CDH13: variants seen among roughly 807,000 people sequenced by gnomAD.
CDH13 encodes the protein cadherin-13.
In CDH13, 24 loss-of-function variants were observed where a neutral mutation model predicts 63.8. That is an observed-to-expected ratio of 0.38 (90% CI 0.27 to 0.53). The LOEUF is 0.53. Ranked by LOEUF, CDH13 falls within the 20% of genes least tolerant of loss-of-function variation. The probability of loss-of-function intolerance (pLI) is 0.85; values close to 1 mark genes in which losing one functional copy is unlikely to be tolerated. For synonymous variants in CDH13, 503 were observed against 355.3 expected, an observed-to-expected ratio of 1.42 and a Z score of -4.67; for missense variants, 1,049 against 903.1, an observed-to-expected ratio of 1.16 and a Z score of -2.07.
intron 1 of CDH13, among the ~76,000 whole-genome samples, chr16:82,760,425 A>G (rs1168101340): frequency 6.6e-6 from 1 of 152,164 alleles, no homozygotes; most frequent in East Asian, 1.9e-4. Flanking sequence ...TGTTTATCTT[A>G]TGATTTTATG....
chr16:83,093,519 C>T (rs894251929), intron 3 of CDH13, among the ~76,000 whole-genome samples: 2 of 151,724 alleles, frequency 1.3e-5, no homozygotes, highest in Middle Eastern at 3.2e-3. Context: ...GGGATTTCAC[C>T]GTGTTGGCCA....
intron 5 of CDH13, among the ~76,000 whole-genome samples, chr16:83,250,865 T>G (rs1905445059): frequency 6.6e-6 from 1 of 152,230 alleles, no homozygotes; most frequent in Non-Finnish European, 1.5e-5. Flanking sequence ...TGGGAGTGAC[T>G]TAAATTCTTT....
In CDH13 at chr16:82,949,330, C is replaced by T. The variant is rs542408441; in HGVS notation, c.158-82680C>T. Among the ~76,000 whole-genome samples, 372 of 152,272 alleles carry T rather than the reference C, an allele frequency of 2.4e-3. 2 individuals carry two copies. Among genetic ancestry groups the T allele is most frequent in the African/African-American group, 7.9e-3 (328 of 41,558 alleles). On this transcript the variant is annotated intron_variant, in intron 2 of 13. Coordinates refer to ENST00000567109, the MANE Select transcript of CDH13 (RefSeq NM_001257.5). ...TGTTCCTCACACAGTGTTCTCCCTGCGTCTCTGTCTTCACATGGCATTTTC... is the reference window on the plus strand; with the variant it reads ...TGTTCCTCACACAGTGTTCTCCCTGTGTCTCTGTCTTCACATGGCATTTTC...
chr16:83,064,712 A>T (rs2031856181), intron 3 of CDH13, among the ~76,000 whole-genome samples: 1 of 152,188 alleles, frequency 6.6e-6, no homozygotes, highest in South Asian at 2.1e-4. Flanking sequence ...TAAAAGAATT[A>T]TTCTTACTAT....
chr16:83,558,449 C>G (rs767581113), intron 7 of CDH13, among the ~76,000 whole-genome samples: 1 of 152,132 alleles, frequency 6.6e-6, no homozygotes, highest in Non-Finnish European at 1.5e-5. Flanking sequence ...ACTGGTTGTG[C>G]CTTGGGTAGT....
chr16:82,874,407 A>G (rs952701790), intron 2 of CDH13, among the ~76,000 whole-genome samples: 1 of 151,944 alleles, frequency 6.6e-6, no homozygotes, highest in Non-Finnish European at 1.5e-5. Context: ...CAACCCCTCT[A>G]CTACTTGTGA....
intron 5 of CDH13, among the ~76,000 whole-genome samples, chr16:83,326,800 G>A (rs76742309): frequency 0.079 from 11,963 of 152,208 alleles, 650 homozygotes; most frequent in Non-Finnish European, 0.12. Context: ...GAGTCTAGAG[G>A]TCCTATAACA....
intron 1 of CDH13, among the ~76,000 whole-genome samples, chr16:82,741,742 A>G (rs1169690940): frequency 1.3e-5 from 2 of 152,208 alleles, no homozygotes; most frequent in African/African-American, 4.8e-5. Context: ...ACAAATAAAA[A>G]TTATAGATCA....
chr16:83,675,950 C>G (rs1330855840), intron 9 of CDH13, among the ~76,000 whole-genome samples: 1 of 152,144 alleles, frequency 6.6e-6, no homozygotes, highest in Non-Finnish European at 1.5e-5. Context: ...CACTATGGTC[C>G]TGACACTGTG....
intron 3 of CDH13, among the ~76,000 whole-genome samples, chr16:83,122,708 A>T (rs1339075038): frequency 1.3e-5 from 2 of 151,972 alleles, no homozygotes; most frequent in Admixed American, 1.3e-4. Context: ...TTTTTTGAAG[A>T]CTCTTAACAA....
chr16:83,339,736 C>T (rs986202404), intron 5 of CDH13, among the ~76,000 whole-genome samples: 1 of 152,146 alleles, frequency 6.6e-6, no homozygotes, highest in South Asian at 2.1e-4. Flanking sequence ...TCCCCTCCAC[C>T]TCTCCCACCA....
chr16:83,167,865 C>T (rs1437388846), intron 4 of CDH13, among the ~76,000 whole-genome samples: 2 of 151,832 alleles, frequency 1.3e-5, no homozygotes, highest in African/African-American at 4.8e-5. Context: ...GAATACCATG[C>T]AGCCATAAAA....
intron 1 of CDH13, among the ~76,000 whole-genome samples, chr16:82,687,084 C>G (rs572922546): frequency 6.6e-6 from 1 of 152,260 alleles, no homozygotes; most frequent in South Asian, 2.1e-4. Context: ...GGGAATGGAA[C>G]TGAGTCTTAC....
chr16:83,780,835 C>T (rs1915465146), intron 12 of CDH13, among the ~76,000 whole-genome samples: 1 of 152,238 alleles, frequency 6.6e-6, no homozygotes, highest in Non-Finnish European at 1.5e-5. Context: ...TCTCTTGGCT[C>T]AGCTGTCTTT....
chr16:83,503,815 G>A (rs2074337909), intron 7 of CDH13, among the ~76,000 whole-genome samples: 1 of 151,844 alleles, frequency 6.6e-6, no homozygotes, highest in Admixed American at 6.6e-5. Context: ...TGGGTAGATT[G>A]CAAAAATTTT....
chr16:83,221,660 T>TG (rs537901799), intron 5 of CDH13, among the ~76,000 whole-genome samples: 1,672 of 63,400 alleles, frequency 0.026, 12 homozygotes, highest in Non-Finnish European at 0.039. Context: ...AGGAAGACGG[T>TG]GGGGGGGCGG....
At position 82,754,507 on chromosome 16, in the gene CDH13, T is replaced by C. The variant is rs2151074238; in HGVS notation, c.46-103855T>C. ...AAAAGGGGTCACTGTTTGTAGGAAT[T>C]GTCTAGGATTCCTGAGAACTGCCAT... On this transcript the variant is annotated intron_variant, in intron 1 of 13. Coordinates refer to ENST00000567109, the MANE Select transcript of CDH13 (RefSeq NM_001257.5). Among the ~76,000 whole-genome samples the C allele has an allele frequency of 2.0e-5, 3 of 152,290 alleles. No individual in the cohort carries two copies. The South Asian group carries it at 6.2e-4, about 32-fold the overall frequency.
chr16:83,745,271 C>T (rs1912468314), intron 10 of CDH13, among the ~76,000 whole-genome samples: 2 of 152,198 alleles, frequency 1.3e-5, no homozygotes, highest in African/African-American at 4.8e-5. Context: ...TCCTGGCGTC[C>T]TTCTGCAGTT....
rs1461377914 is a variant in CDH13, at chr16:83,032,443, A to T, written c.366+225A>T. ...AGTTCGTGGATTAATTCATGGAACTATTTTAGGGATACTTCTGCCTTCAGG... is the reference window on the plus strand; with the variant it reads ...AGTTCGTGGATTAATTCATGGAACTTTTTTAGGGATACTTCTGCCTTCAGG... On this transcript the variant is annotated intron_variant, in intron 3 of 13. Transcript: ENST00000567109. 4 of 527,366 alleles carry T rather than the reference A, an allele frequency of 7.6e-6. No homozygotes were observed. In the East Asian group the frequency reaches 1.3e-4, roughly 17 times the overall value. The allele number at this position is 527,366 out of a possible 1,614,324, so 32.7% of individuals were successfully genotyped here. A position where few individuals can be genotyped will look rare whatever the true frequency, so the allele number is the denominator to read the frequency against.
Sources: allele counts gnomAD v4.1 joint callset (sites outside exome capture counted in the v4.1 genomes callset), GRCh38; gene constraint gnomAD v4.1.1; transcripts MANE v1.5; gene names NCBI Gene and HGNC (gene_info 2026-07-23, HGNC 2026-07-21).